ANO10: variants seen among roughly 807,000 people sequenced by gnomAD.
The protein encoded by ANO10 is anoctamin 10.
In ANO10, 77 loss-of-function variants were observed where a neutral mutation model predicts 74.7. That is an observed-to-expected ratio of 1.03 (90% CI 0.86 to 1.25). ANO10 has a LOEUF of 1.25. Ranked by LOEUF, ANO10 falls within the 50% of genes most tolerant of loss-of-function variation. ANO10 has a pLI of 0.00. For synonymous variants in ANO10, 279 were observed against 284.9 expected, an observed-to-expected ratio of 0.98 and a Z score of 0.21; for missense variants, 721 against 778.1, an observed-to-expected ratio of 0.93 and a Z score of 0.87.
chr3:43,591,196 ACTG>A (rs1420105600), intron 4 of ANO10, among the ~76,000 whole-genome samples: 1 of 152,124 alleles, frequency 6.6e-6, no homozygotes, highest in Non-Finnish European at 1.5e-5. Context: ...ACCATCCACC[ACTG>A]CTGTTCGCCG....
chr3:43,534,533 T>C (rs964631111), intron 11 of ANO10, among the ~76,000 whole-genome samples: 1 of 103,710 alleles, frequency 9.6e-6, no homozygotes, highest in East Asian at 2.8e-4. Context: ...AGAAGGGGGT[T>C]GGGGGGAGGG....
chr3:43,616,195 A>G (rs2083095644), intron 1 of ANO10, among the ~76,000 whole-genome samples: 1 of 152,104 alleles, frequency 6.6e-6, no homozygotes, highest in Non-Finnish European at 1.5e-5. Flanking sequence ...ACTCTTTAAG[A>G]GGGGAAGGAA....
At chr3:43,465,497 T>C (rs1304964465) in intron 11 of ANO10, among the ~76,000 whole-genome samples, 1 of 152,024 alleles carries the variant, frequency 6.6e-6, no homozygotes, top group Non-Finnish European at 1.5e-5. Flanking sequence ...CTACTAAAAA[T>C]ACAAAAATTA....
intron 11 of ANO10, among the ~76,000 whole-genome samples, chr3:43,487,614 G>C (rs931228110): frequency 1.3e-5 from 2 of 152,260 alleles, no homozygotes; most frequent in South Asian, 2.1e-4. Flanking sequence ...AGTATTCTCT[G>C]AGGGTAGTTT....
chr3:43,482,353 A>G (rs1485163297), intron 11 of ANO10, among the ~76,000 whole-genome samples: 1 of 152,170 alleles, frequency 6.6e-6, no homozygotes, highest in East Asian at 1.9e-4. Context: ...TTGGCTCAGA[A>G]TAAGTCTCTT....
chr3:43,594,517 TACAA>T (rs2081976986), intron 4 of ANO10, among the ~76,000 whole-genome samples: 1 of 152,092 alleles, frequency 6.6e-6, no homozygotes, highest in African/African-American at 2.4e-5. Flanking sequence ...GACTACTGGG[TACAA>T]AATGAAATGA....
chr3:43,384,707 G>A (rs2092067119), intron 12 of ANO10, among the ~76,000 whole-genome samples: 1 of 152,146 alleles, frequency 6.6e-6, no homozygotes, highest in Non-Finnish European at 1.5e-5. Context: ...TCGGATAATT[G>A]GTTAGCCACA....
At chr3:43,536,136 A>G (rs2078700605) in intron 11 of ANO10, among the ~76,000 whole-genome samples, 1 of 152,258 alleles carries the variant, frequency 6.6e-6, no homozygotes, top group Non-Finnish European at 1.5e-5. Flanking sequence ...ATTCCTGATA[A>G]AAGTAAAACA....
At chr3:43,463,347 T>C (rs1047601107) in intron 11 of ANO10, among the ~76,000 whole-genome samples, 2 of 152,104 alleles carry the variant, frequency 1.3e-5, no homozygotes, top group African/African-American at 2.4e-5. Context: ...AAAGGAGATT[T>C]TGCTATGAAG....
At chr3:43,494,476 T>C (rs1236059576) in intron 11 of ANO10, among the ~76,000 whole-genome samples, 3 of 151,908 alleles carry the variant, frequency 2.0e-5, no homozygotes, top group South Asian at 4.2e-4. Flanking sequence ...ATAGAATGAA[T>C]AAATAAATAA....
At chr3:43,633,422 T>G (rs567497320) in intron 1 of ANO10, among the ~76,000 whole-genome samples, 6 of 152,314 alleles carry the variant, frequency 3.9e-5, no homozygotes, top group African/African-American at 1.4e-4. Context: ...AGACACTATT[T>G]GGCTCACAGT....
At chr3:43,483,381 T>C (rs1357025589) in intron 11 of ANO10, among the ~76,000 whole-genome samples, 4 of 152,182 alleles carry the variant, frequency 2.6e-5, no homozygotes, top group African/African-American at 9.7e-5. Flanking sequence ...CATTGTAAAA[T>C]GGTATCTCAT....
intron 12 of ANO10, among the ~76,000 whole-genome samples, chr3:43,417,452 G>C (rs2092757786): frequency 6.6e-6 from 1 of 152,040 alleles, no homozygotes; most frequent in African/African-American, 2.4e-5. Flanking sequence ...CCTCAAGCCG[G>C]ACTACAAAGT....
At chr3:43,674,315 T>C (rs1355486270) in intron 1 of ANO10, among the ~76,000 whole-genome samples, 1 of 152,178 alleles carries the variant, frequency 6.6e-6, no homozygotes. Context: ...AATTGTTTAC[T>C]TATTTTTATT....
intron 12 of ANO10, among the ~76,000 whole-genome samples, chr3:43,376,653 C>T (rs1201321691): frequency 6.6e-6 from 1 of 152,026 alleles, no homozygotes; most frequent in Non-Finnish European, 1.5e-5. Flanking sequence ...AAGGTGACAC[C>T]AATTCTGAGA....
chr3:43,372,240 G>A (rs1241749976), intron 12 of ANO10, among the ~76,000 whole-genome samples: 3 of 152,010 alleles, frequency 2.0e-5, no homozygotes, highest in African/African-American at 4.8e-5. Context: ...GGCCATCTCT[G>A]CGGATGCCTG....
intron 4 of ANO10, among the ~76,000 whole-genome samples, chr3:43,594,265 T>C (rs548037849): frequency 1.8e-4 from 27 of 152,290 alleles, no homozygotes; most frequent in African/African-American, 6.5e-4. Context: ...GCGGACCTAA[T>C]AGACATCTAC....
chr3:43,660,516 A>C (rs1041845354), intron 1 of ANO10, among the ~76,000 whole-genome samples: 3 of 152,126 alleles, frequency 2.0e-5, no homozygotes, highest in African/African-American at 7.2e-5. Flanking sequence ...GATCAAACTA[A>C]TGAAATAAAG....
chr3:43,612,500 C>A (rs923577494), intron 1 of ANO10, among the ~76,000 whole-genome samples: 29 of 152,216 alleles, frequency 1.9e-4, no homozygotes, highest in African/African-American at 6.7e-4. Context: ...AAGCTGGAGA[C>A]ATACAAATGG....
Sources: allele counts gnomAD v4.1 joint callset (sites outside exome capture counted in the v4.1 genomes callset), GRCh38; gene constraint gnomAD v4.1.1; transcripts MANE v1.5; gene names NCBI Gene and HGNC (gene_info 2026-07-23, HGNC 2026-07-21).